PARP9: variants seen among roughly 807,000 people sequenced by gnomAD.
PARP9 encodes poly(ADP-ribose) polymerase family member 9, also known as protein mono-ADP-ribosyltransferase PARP9.
In PARP9, 48 loss-of-function variants were observed where a neutral mutation model predicts 68.8. That is an observed-to-expected ratio of 0.70 (90% CI 0.55 to 0.89). PARP9 has a LOEUF of 0.89. Among genes scored for constraint, PARP9 ranks in the 40% least tolerant of loss-of-function variants. The pLI, the probability that PARP9 is intolerant of heterozygous loss-of-function variation, is 0.00. For synonymous variants in PARP9, 309 were observed against 333.8 expected, an observed-to-expected ratio of 0.93 and a Z score of 0.81; for missense variants, 806 against 969.3, an observed-to-expected ratio of 0.83 and a Z score of 2.24.
rs760852443 is a variant in PARP9 at position 122,528,500 on chromosome 3, C to T, written c.2324G>A (p.Gly775Asp). 1 of 1,614,146 alleles carries T rather than the reference C, an allele frequency of 6.2e-7. No homozygotes were observed. The highest frequency in any genetic ancestry group is 8.5e-7 in the Non-Finnish European group (1 of 1,180,024). ...SSPETFVIFS[G>D]MQAIPQYLWT... Reference sequence around the variant, plus strand: ...CAAATACTGAGGTATAGCCTGCATGCCACTAAAAATAACAAAGGTTTCAGG... The same window carrying T: ...CAAATACTGAGGTATAGCCTGCATGTCACTAAAAATAACAAAGGTTTCAGG... The change falls in exon 11 of 11, where the codon GGC becomes GAC. Residue 775 changes from glycine (G) to aspartate (D), a missense_variant. Gly to Asp is a moderately conservative substitution (Grantham distance 94). Coordinates refer to ENST00000682323, the MANE Select transcript of PARP9 (RefSeq NM_001146105.2).
chr3:122,556,004 C>G lies in PARP9; in HGVS notation c.167G>C (p.Cys56Ser), dbSNP rs369670658. 1 of 1,613,876 alleles carries G rather than the reference C, an allele frequency of 6.2e-7. No individual in the cohort carries two copies. Among genetic ancestry groups the G allele is most frequent in the African/African-American group, 1.3e-5 (1 of 74,864 alleles). Residue 56 changes from cysteine (C) to serine (S), a missense_variant, in exon 4 of 11, where the codon TGT (cysteine) becomes TCT (serine). By Grantham distance (112) the Cys-to-Ser change is moderately radical (BLOSUM62 -1). Coordinates refer to ENST00000682323, the MANE Select transcript of PARP9 (RefSeq NM_001146105.2). ...LCEVLQNKFGCISTLVSPVQE... is the reference protein window; with the variant it reads ...LCEVLQNKFGSISTLVSPVQE... ...AACTGGAGAGACCAGGGTAGAGATA[C>G]AGCCAAACTTATTCTGGAGGACTTC...
chr3:122,534,363 G>A lies in PARP9; in HGVS notation c.2080+1805C>T, dbSNP rs2077496018. 3.0e-6 allele frequency: 3 copies of A among 985,422 alleles called. No individual in the cohort carries two copies. The African/African-American group carries it at 5.2e-5, about 17-fold the overall frequency. 61.0% of individuals were successfully genotyped at this position (985,422 alleles called of 1,614,324 possible). A position where few individuals can be genotyped will look rare whatever the true frequency, so the allele number is the denominator to read the frequency against. On this transcript the variant is annotated intron_variant, in intron 10 of 10. Coordinates refer to ENST00000682323, the MANE Select transcript of PARP9 (RefSeq NM_001146105.2). The stretch of plus-strand genomic sequence containing the variant: ...AATAGCCAAGGGCCACAATATATAA[G>A]GAAGATTTTCCCAGAGTGCAAAATA...
At chr3:122,537,154 T>C in intron 8 of PARP9, 81 bp from the exon 9 acceptor site, 2 of 1,422,068 alleles carry the variant, frequency 1.4e-6, no homozygotes, top group Non-Finnish European at 1.9e-6. Context: ...ATTCTAGAAA[T>C]TTAGAGGAAG....
intron 1 of PARP9, among the ~76,000 whole-genome samples, chr3:122,560,666 G>A (rs139335498): frequency 4.6e-5 from 7 of 152,282 alleles, no homozygotes; most frequent in East Asian, 3.9e-4. Flanking sequence ...GATTACAGGC[G>A]TGAGCGACCG....
intron 1 of PARP9, 111 bp downstream of exon 1, chr3:122,564,134 A>G (rs1319558799): frequency 2.2e-6 from 1 of 459,382 alleles, no homozygotes; most frequent in African/African-American, 2.1e-5. Flanking sequence ...TCTACTCACA[A>G]GGGAGGCCTG....
At chr3:122,540,372 C>T in intron 8 of PARP9, 100 bp downstream of exon 8, 2 of 1,402,604 alleles carry the variant, frequency 1.4e-6, no homozygotes, top group Non-Finnish European at 9.6e-7. Flanking sequence ...TCCCTCCTCT[C>T]TCCTTCTGTC....
chr3:122,539,580 G>C (rs1174425224), intron 8 of PARP9, among the ~76,000 whole-genome samples: 1 of 94,670 alleles, frequency 1.1e-5, no homozygotes, highest in Admixed American at 1.1e-4. Context: ...TTTTTTTTGA[G>C]ACAGAGTTTC....
At chr3:122,536,888 T>G in intron 9 of PARP9, 46 bp downstream of exon 9, 1 of 1,576,788 alleles carries the variant, frequency 6.3e-7, no homozygotes, top group South Asian at 1.2e-5. Flanking sequence ...AGAAACAAGT[T>G]AATTAACAAC....
intron 10 of PARP9, chr3:122,535,517 CCT>C (rs1324991694): frequency 1.0e-6 from 1 of 985,262 alleles, no homozygotes; most frequent in African/African-American, 1.7e-5. Flanking sequence ...AATTTCTTTT[CCT>C]CTTTTGGAGA....
At chr3:122,558,556 C>T in intron 2 of PARP9, 89 bp from the exon 3 acceptor site, 2 of 1,475,154 alleles carry the variant, frequency 1.4e-6, no homozygotes, top group Admixed American at 3.5e-5. Context: ...AAACACAATG[C>T]AATGGAAATC....
At chr3:122,541,117 C>T (rs1017846780) in intron 7 of PARP9, among the ~76,000 whole-genome samples, 1 of 152,170 alleles carries the variant, frequency 6.6e-6, no homozygotes, top group African/African-American at 2.4e-5. Flanking sequence ...GTCTCAATCT[C>T]CCGACCTCGT....
At chr3:122,540,903 T>C (rs763331427) in intron 7 of PARP9, 51 bp from the exon 8 acceptor site, 14 of 1,530,170 alleles carry the variant, frequency 9.1e-6, no homozygotes, top group Non-Finnish European at 1.1e-5. Flanking sequence ...TTTTTGTTTT[T>C]TTTTTGAGAT....
At chr3:122,545,759 C>T in intron 6 of PARP9, 1 of 422,928 alleles carries the variant, frequency 2.4e-6, no homozygotes, top group Non-Finnish European at 4.2e-6. Flanking sequence ...CAAAATATAA[C>T]CGTGCATTCA....
chr3:122,544,491 C>T (rs1189530372), intron 7 of PARP9, among the ~76,000 whole-genome samples: 1 of 152,082 alleles, frequency 6.6e-6, no homozygotes, highest in Admixed American at 6.6e-5. Flanking sequence ...ACTTACAGCA[C>T]TGCCAGGCCA....
intron 1 of PARP9, among the ~76,000 whole-genome samples, chr3:122,560,773 C>A (rs1238451018): frequency 3.3e-5 from 5 of 152,218 alleles, no homozygotes; most frequent in African/African-American, 1.2e-4. Flanking sequence ...CAAGGGAAAG[C>A]AGCAGGTCTA....
At chr3:122,558,506 T>C (rs1433746261) in intron 2 of PARP9, 39 bp from the exon 3 acceptor site, 2 of 1,610,348 alleles carry the variant, frequency 1.2e-6, no homozygotes, top group Non-Finnish European at 1.7e-6. Flanking sequence ...AAAATGGAAG[T>C]GGAATGACTA....
chr3:122,532,008 A>C, intron 10 of PARP9: 1 of 411,512 alleles, frequency 2.4e-6, no homozygotes, highest in Non-Finnish European at 3.3e-6. Context: ...AGGGGGCAGA[A>C]CAATGGAAAT....
chr3:122,548,927 C>T (rs77800083), intron 6 of PARP9, among the ~76,000 whole-genome samples: 1 of 152,286 alleles, frequency 6.6e-6, no homozygotes, highest in African/African-American at 2.4e-5. Context: ...ATTCAGCACT[C>T]AGTGAACTAC....
Position 122,528,188 on chromosome 3 carries a change from TAA to T in PARP9, c.*174_*175del. 1 of 754,480 alleles carries T rather than the reference TAA, an allele frequency of 1.3e-6. No homozygotes were observed. Among genetic ancestry groups the T allele is most frequent in the Non-Finnish European group, 2.1e-6 (1 of 485,272 alleles). 46.7% of individuals were successfully genotyped at this position (754,480 alleles called of 1,614,324 possible). A position where few individuals can be genotyped will look rare whatever the true frequency, so the allele number is the denominator to read the frequency against. ...ATCTACCTACCCCAACCCCAAGACA[TAA>T]AGACAGATAAAGGCACTAAGATGCT... On this transcript the variant is annotated 3_prime_UTR_variant, in exon 11 of 11. Transcript: ENST00000682323.
Sources: allele counts gnomAD v4.1 joint callset (sites outside exome capture counted in the v4.1 genomes callset), GRCh38; gene constraint gnomAD v4.1.1; transcripts MANE v1.5; gene names NCBI Gene and HGNC (gene_info 2026-07-23, HGNC 2026-07-21).